MINDY2: variants seen among roughly 807,000 people sequenced by gnomAD.
The protein encoded by MINDY2 is MINDY lysine 48 deubiquitinase 2.
In MINDY2, 52 loss-of-function variants were observed where a neutral mutation model predicts 68.2. The observed-to-expected ratio is 0.76, with a 90% CI of 0.61 to 0.96. The LOEUF (loss-of-function observed/expected upper bound fraction) is 0.96. MINDY2 is among the 40% of genes least tolerant of loss of function. MINDY2 has a pLI of 0.00. For missense variants in MINDY2, 881 were observed against 773.4 expected (o/e 1.14, Z -1.65); for synonymous variants, 372 against 303.0 (o/e 1.23, Z -2.36).
At chr15:58,801,093 C>T (rs1430348803) in intron 2 of MINDY2, among the ~76,000 whole-genome samples, 1 of 152,010 alleles carries the variant, frequency 6.6e-6, no homozygotes, top group African/African-American at 2.4e-5. Context: ...CCTGCCTCAG[C>T]CTCCTGAGTA....
intron 6 of MINDY2, among the ~76,000 whole-genome samples, chr15:58,843,048 A>G (rs1391767175): frequency 6.6e-6 from 1 of 152,236 alleles, no homozygotes. Context: ...AAACTCTCTT[A>G]GAAATGTATA....
chr15:58,810,802 G>A (rs1017205979), intron 4 of MINDY2, among the ~76,000 whole-genome samples: 3 of 152,244 alleles, frequency 2.0e-5, no homozygotes, highest in East Asian at 1.9e-4. Context: ...AGACACATAC[G>A]GCAGAATCTA....
rs1401251464 is a variant in MINDY2 at position 58,857,271 on chromosome 15, T to A, written c.*2661T>A. On this transcript the variant is annotated 3_prime_UTR_variant, in exon 9 of 9. Coordinates refer to ENST00000559228, the MANE Select transcript of MINDY2 (RefSeq NM_001040450.3). ...TGAAGGGTATAAAGAATTTAGATCA[T>A]GCCTGTAATCCCAGTACTTTGGGAG... is the stretch of plus-strand genomic sequence containing the variant. 6.6e-6 allele frequency: 1 copy of A among 152,180 alleles called. No homozygotes were observed. Among genetic ancestry groups the A allele is most frequent in the Admixed American group, 6.5e-5 (1 of 15,270 alleles). 9.4% of individuals were successfully genotyped at this position (152,180 alleles called of 1,614,324 possible).
intron 2 of MINDY2, among the ~76,000 whole-genome samples, chr15:58,797,051 T>G (rs1184158388): frequency 6.6e-6 from 1 of 152,146 alleles, no homozygotes; most frequent in Non-Finnish European, 1.5e-5. Context: ...ACTAGGTACA[T>G]GTGGTTATTG....
chr15:58,787,848 G>A (rs1901612205), intron 1 of MINDY2, 58 bp from the exon 2 acceptor site: 1 of 1,178,998 alleles, frequency 8.5e-7, no homozygotes, highest in Non-Finnish European at 1.2e-6. Flanking sequence ...CTGACTGCAA[G>A]AAATACTTTA....
rs1365668187 is a variant in MINDY2 at position 58,802,400 on chromosome 15, G to A, written c.963+23G>A. 4 of 1,467,910 alleles carry A rather than the reference G, an allele frequency of 2.7e-6. No individual in the cohort carries two copies. The African/African-American group carries it at 4.3e-5, about 16-fold the overall frequency. 90.9% of individuals were successfully genotyped at this position (1,467,910 alleles called of 1,614,324 possible). ...CAGGTAATAAACAGTTTTTGTTAAA[G>A]TATATAATTTTAAAGTTTAAATATA... is the stretch of plus-strand genomic sequence containing the variant. On this transcript the variant is annotated intron_variant, in intron 3 of 8. Transcript: ENST00000559228.
intron 1 of MINDY2, among the ~76,000 whole-genome samples, chr15:58,786,702 G>T (rs189351088): frequency 6.6e-6 from 1 of 152,150 alleles, no homozygotes. Context: ...AGGTCAAGAA[G>T]GTCGAAGAAC....
chr15:58,773,766 G>A (rs1479579641), intron 1 of MINDY2, among the ~76,000 whole-genome samples: 1 of 151,824 alleles, frequency 6.6e-6, no homozygotes, highest in Non-Finnish European at 1.5e-5. Flanking sequence ...AGAGAATTTA[G>A]AATAACAGGG....
intron 6 of MINDY2, among the ~76,000 whole-genome samples, chr15:58,835,592 G>A (rs1387761914): frequency 1.3e-5 from 2 of 152,172 alleles, no homozygotes; most frequent in African/African-American, 4.8e-5. Context: ...GGTGGAGGTT[G>A]CAGTGAACTG....
chr15:58,838,025 A>G (rs1039011049), intron 6 of MINDY2, among the ~76,000 whole-genome samples: 72 of 151,018 alleles, frequency 4.8e-4, no homozygotes, highest in Admixed American at 1.0e-3. Flanking sequence ...AGTGTTTTCC[A>G]TCTTTCTACT....
intron 1 of MINDY2, among the ~76,000 whole-genome samples, chr15:58,786,107 G>C (rs1901480165): frequency 6.6e-6 from 1 of 152,190 alleles, no homozygotes; most frequent in Non-Finnish European, 1.5e-5. Context: ...TGTCATATAT[G>C]CTTACAGATG....
intron 1 of MINDY2, among the ~76,000 whole-genome samples, chr15:58,782,911 G>GTT (rs1157376592): frequency 0.032 from 2,031 of 64,468 alleles, 635 homozygotes; most frequent in South Asian, 0.066. Flanking sequence ...TTTTCTCTCT[G>GTT]TTTTTTTTTT....
intron 5 of MINDY2, among the ~76,000 whole-genome samples, chr15:58,828,603 C>G (rs191769116): frequency 6.9e-6 from 1 of 144,740 alleles, no homozygotes; most frequent in African/African-American, 2.6e-5. Flanking sequence ...TTTTTGTCAC[C>G]CAGGCTGGAG....
In MINDY2 at chr15:58,855,708, G is replaced by C. The variant is rs1272247993; in HGVS notation, c.*1098G>C. On this transcript the variant is annotated 3_prime_UTR_variant, in exon 9 of 9. Coordinates refer to ENST00000559228, the MANE Select transcript of MINDY2 (RefSeq NM_001040450.3). ...GGCCAAGGTGGGCGGATCATCTGAG[G>C]CCAGGAGTTCGAGACCAGCCTGGCC... 1 of 152,312 alleles carries C rather than the reference G, an allele frequency of 6.6e-6. No homozygotes were observed. Among genetic ancestry groups the C allele is most frequent in the African/African-American group, 2.4e-5 (1 of 41,436 alleles). 9.4% of individuals were successfully genotyped at this position (152,312 alleles called of 1,614,324 possible).
chr15:58,842,034 TA>T (rs1226257298), intron 6 of MINDY2, among the ~76,000 whole-genome samples: 1 of 152,032 alleles, frequency 6.6e-6, no homozygotes, highest in Non-Finnish European at 1.5e-5. Flanking sequence ...TGCTTGCTCT[TA>T]ACTAAGATTA....
intron 1 of MINDY2, among the ~76,000 whole-genome samples, chr15:58,775,045 A>C (rs1900691733): frequency 6.6e-6 from 1 of 152,202 alleles, no homozygotes; most frequent in Non-Finnish European, 1.5e-5. Context: ...TCTCAAAGTG[A>C]GCCAGGGGTA....
intron 1 of MINDY2, among the ~76,000 whole-genome samples, chr15:58,781,925 A>G (rs1901175523): frequency 6.6e-6 from 1 of 152,120 alleles, no homozygotes; most frequent in Non-Finnish European, 1.5e-5. Context: ...AAAAGAAAGA[A>G]ATACTGATGG....
At chr15:58,796,260 G>A (rs1902278925) in intron 2 of MINDY2, 1 of 380,406 alleles carries the variant, frequency 2.6e-6, no homozygotes, top group Admixed American at 3.1e-5. Flanking sequence ...GAATAGGAAA[G>A]GTTGTTTGAG....
chr15:58,823,573 A>T (rs116536795), intron 5 of MINDY2, among the ~76,000 whole-genome samples: 4,925 of 152,094 alleles, frequency 0.032, 286 homozygotes, highest in African/African-American at 0.11. Context: ...GCTGAGGCTG[A>T]AAGATCACTT....
Sources: gnomAD v4.1 joint callset for allele counts (sites outside exome capture counted in the v4.1 genomes callset) on GRCh38, gnomAD v4.1.1 for gene constraint, MANE v1.5 for transcripts, NCBI Gene and HGNC (gene_info 2026-07-23, HGNC 2026-07-21) for gene names.